The following NALCN variants were observed in gnomAD, a reference collection of about 807,000 sequenced individuals.
The protein encoded by NALCN is sodium leak channel, non-selective.
In NALCN, 111 loss-of-function variants were observed where a neutral mutation model predicts 225.3. The observed-to-expected ratio is 0.49, with a 90% CI of 0.42 to 0.58. The LOEUF (loss-of-function observed/expected upper bound fraction) is 0.58, where lower values mean the gene tolerates loss of function less well. Among genes scored for constraint, NALCN ranks in the 20% least tolerant of loss-of-function variants. The pLI, the probability that NALCN is intolerant of heterozygous loss-of-function variation, is 0.00. For synonymous variants in NALCN, 764 were observed against 769.0 expected (o/e 0.99, Z 0.11); for missense variants, 1,378 against 2,202.4 (o/e 0.63, Z 7.49).
At chr13:101,392,529 A>T (rs2047175242) in intron 3 of NALCN, among the ~76,000 whole-genome samples, 2 of 152,198 alleles carry the variant, frequency 1.3e-5, no homozygotes, top group South Asian at 4.1e-4. Context: ...CATACTTCAA[A>T]TCCCAATTTT....
In NALCN at chr13:101,159,643, C is replaced by T. The variant is rs77847934; in HGVS notation, c.1840-14747G>A. Among the ~76,000 whole-genome samples the T allele has an allele frequency of 3.6e-3, 555 of 152,250 alleles. 6 individuals carry two copies. The highest frequency in any genetic ancestry group is 6.4e-3 in the Non-Finnish European group (433 of 68,016). ...CAGGTGTCCCAGTAATGACAGCTCTCGACTCTTTCCCGGATGAGAATTTTA... is the reference window on the plus strand; with the variant it reads ...CAGGTGTCCCAGTAATGACAGCTCTTGACTCTTTCCCGGATGAGAATTTTA... On this transcript the variant is annotated intron_variant, in intron 15 of 43. Coordinates refer to ENST00000251127, the MANE Select transcript of NALCN (RefSeq NM_052867.4).
chr13:101,320,921 G>A (rs181370661), intron 7 of NALCN, among the ~76,000 whole-genome samples: 1 of 152,110 alleles, frequency 6.6e-6, no homozygotes, highest in East Asian at 1.9e-4. Context: ...TACTTTCCCA[G>A]GGTTAGAAGA....
chr13:101,150,247 G>C (rs2037579084), intron 15 of NALCN, among the ~76,000 whole-genome samples: 1 of 152,142 alleles, frequency 6.6e-6, no homozygotes. Flanking sequence ...GTCCTGGGTG[G>C]GGGTGGCGGG....
intron 6 of NALCN, among the ~76,000 whole-genome samples, chr13:101,373,460 A>T (rs1363894961): frequency 6.6e-6 from 1 of 152,202 alleles, no homozygotes; most frequent in Non-Finnish European, 1.5e-5. Flanking sequence ...ATACAATATG[A>T]CCAAATTAGC....
chr13:101,081,487 T>C, intron 34 of NALCN, 40 bp downstream of exon 34: 3 of 1,613,316 alleles, frequency 1.9e-6, no homozygotes, highest in Non-Finnish European at 2.5e-6. Context: ...TGAACCAAAC[T>C]GAAATAATCA....
intron 10 of NALCN, among the ~76,000 whole-genome samples, chr13:101,279,115 C>T (rs574087927): frequency 1.3e-5 from 2 of 149,550 alleles, no homozygotes; most frequent in Non-Finnish European, 3.0e-5. Context: ...CAGACATCAA[C>T]AACTAATTAT....
chr13:101,225,278 T>TA (rs1465135617), intron 13 of NALCN, among the ~76,000 whole-genome samples: 2 of 152,216 alleles, frequency 1.3e-5, no homozygotes, highest in Non-Finnish European at 2.9e-5. Flanking sequence ...TTGTTCTTTT[T>TA]ATGCGGTACC....
intron 18 of NALCN, among the ~76,000 whole-genome samples, chr13:101,119,097 T>C (rs554817733): frequency 6.2e-4 from 94 of 152,318 alleles, no homozygotes; most frequent in African/African-American, 2.2e-3. Flanking sequence ...ACTACAGAGA[T>C]ATTTCTCGAA....
chr13:101,214,894 CT>C (rs1158862367), intron 13 of NALCN, among the ~76,000 whole-genome samples: 1 of 152,080 alleles, frequency 6.6e-6, no homozygotes, highest in African/African-American at 2.4e-5. Context: ...TGCCTCTTGA[CT>C]TGGGCACTCA....
Position 101,072,954 on chromosome 13 carries a change from G to A in NALCN, c.4197+630C>T, listed in dbSNP as rs184425646. On this transcript the variant is annotated intron_variant, in intron 37 of 43. Coordinates refer to ENST00000251127, the MANE Select transcript of NALCN (RefSeq NM_052867.4). The stretch of plus-strand genomic sequence containing the variant: ...TTAACACAGCATTGGTCTGTCCTAC[G>A]GTGAGAAAGAGATAAAATAAATGAA... 4.6e-5 allele frequency among the ~76,000 whole-genome samples: 7 copies of A among 152,132 alleles called. No individual in the cohort carries two copies. The East Asian group carries it at 9.7e-4, about 21-fold the overall frequency.
chr13:101,252,253 C>G (rs544537153), intron 11 of NALCN, among the ~76,000 whole-genome samples: 1 of 152,164 alleles, frequency 6.6e-6, no homozygotes, highest in Non-Finnish European at 1.5e-5. Context: ...AGAAAGGATA[C>G]TAGGCCCTTC....
In NALCN at chr13:101,182,559, C is replaced by A. The variant is rs549112620; in HGVS notation, c.1765-6185G>T. On this transcript the variant is annotated intron_variant, in intron 14 of 43. Coordinates refer to ENST00000251127, the MANE Select transcript of NALCN (RefSeq NM_052867.4). ...TAATTTGACAGTGGCATGACAAAAG[C>A]ACAAACTTACAAAACAGAAACTGGT... Among the ~76,000 whole-genome samples the A allele has an allele frequency of 1.4e-4, 21 of 152,282 alleles. No homozygotes were observed. The South Asian group carries it at 4.1e-3, about 30-fold the overall frequency.
intron 6 of NALCN, among the ~76,000 whole-genome samples, chr13:101,354,263 A>G (rs1239587128): frequency 6.6e-6 from 1 of 152,174 alleles, no homozygotes; most frequent in African/African-American, 2.4e-5. Flanking sequence ...GAATCACTTG[A>G]ACCCAGCGGG....
chr13:101,254,707 C>T (rs1594535175), intron 11 of NALCN, among the ~76,000 whole-genome samples: 2 of 122,170 alleles, frequency 1.6e-5, no homozygotes, highest in Admixed American at 8.0e-5. Flanking sequence ...CCGGCTAAAA[C>T]GGTGAAACCC....
At chr13:101,372,692 G>A (rs2046574222) in intron 6 of NALCN, among the ~76,000 whole-genome samples, 2 of 152,074 alleles carry the variant, frequency 1.3e-5, no homozygotes, top group African/African-American at 4.8e-5. Flanking sequence ...ACAGTGCTTA[G>A]AGGCTAAAAC....
intron 17 of NALCN, 191 bp downstream of exon 17, chr13:101,142,889 C>T (rs762537227): frequency 4.0e-5 from 29 of 719,422 alleles, no homozygotes; most frequent in Admixed American, 3.4e-4. Context: ...AAAGCTTACA[C>T]GGGCAAATGC....
intron 19 of NALCN, 117 bp from the exon 20 acceptor site, chr13:101,110,805 T>C (rs573986599): frequency 4.0e-6 from 4 of 1,009,900 alleles, no homozygotes; most frequent in South Asian, 1.3e-5. Flanking sequence ...CAAATGCCTA[T>C]GATTTCTTTT....
chr13:101,194,893 A>G (rs2039826729), intron 13 of NALCN, among the ~76,000 whole-genome samples: 1 of 152,148 alleles, frequency 6.6e-6, no homozygotes, highest in Admixed American at 6.5e-5. Context: ...AATCCCAGCT[A>G]CTCGGGAGGC....
At chr13:101,321,760 T>C (rs1227678423) in intron 7 of NALCN, among the ~76,000 whole-genome samples, 1 of 152,134 alleles carries the variant, frequency 6.6e-6, no homozygotes, top group East Asian at 1.9e-4. Context: ...ACTCCATATA[T>C]TCTATGTAAA....
Sources: allele counts gnomAD v4.1 joint callset (sites outside exome capture counted in the v4.1 genomes callset), GRCh38; gene constraint gnomAD v4.1.1; transcripts MANE v1.5; gene names NCBI Gene and HGNC (gene_info 2026-07-23, HGNC 2026-07-21).